The following ANXA6 variants were observed in gnomAD, a reference collection of about 807,000 sequenced individuals.
ANXA6 encodes annexin A6.
In ANXA6, 71 loss-of-function variants were observed where a neutral mutation model predicts 95.4. The ratio of observed to expected loss-of-function variants is 0.74; its 90% CI spans 0.61 to 0.91. The LOEUF is 0.91. ANXA6 is among the 40% of genes least tolerant of loss of function. The pLI, the probability that ANXA6 is intolerant of heterozygous loss-of-function variation, is 0.00. For missense variants in ANXA6, 830 were observed against 876.4 expected (o/e 0.95, Z 0.67); for synonymous variants, 289 against 315.9 (o/e 0.91, Z 0.90).
Position 151,147,926 on chromosome 5 carries a change from A to G in ANXA6, c.-25T>C, listed in dbSNP as rs371760082. ...TGGTCTCCGGTTCGCAGCAGAATCC[A>G]CTGTAGAGAAGAAAGACAGCATGTG... On this transcript the variant is annotated splice_region_variant and 5_prime_UTR_variant, in exon 2 of 26. Transcript: ENST00000354546. 5.0e-6 allele frequency: 8 copies of G among 1,602,634 alleles called. No homozygotes were observed. The African/African-American group carries it at 1.1e-4, about 21-fold the overall frequency.
intron 20 of ANXA6, among the ~76,000 whole-genome samples, chr5:151,112,071 T>C (rs1208703553): frequency 6.6e-6 from 1 of 152,042 alleles, no homozygotes; most frequent in East Asian, 1.9e-4. Context: ...GCTGGGATTA[T>C]AGGCACTGCA....
rs754868111 is a variant in ANXA6 at position 151,117,797 on chromosome 5, T to C, written c.1479A>G (p.Thr493=). 7 of 1,613,660 alleles carry C rather than the reference T, an allele frequency of 4.3e-6. No homozygotes were observed. In the Admixed American group the frequency reaches 5.0e-5, roughly 12 times the overall value. ...TGAGGATCCTCCTGAAGTGGCCAGA[T>C]GTGTCTGAGCTCAGAGCATCCTCCA... The part of the protein sequence containing the change: ...KSLEDALSSD[T]SGHFRRILIS... Residue 493 remains threonine, a synonymous_variant, in exon 19 of 26, where the codon ACA becomes ACG. Coordinates refer to ENST00000354546, the MANE Select transcript of ANXA6 (RefSeq NM_001155.5).
chr5:151,100,853 A>G lies in ANXA6; in HGVS notation c.*595T>C. 2.2e-6 allele frequency: 1 copy of G among 455,084 alleles called. No homozygotes were observed. The allele number at this position is 455,084 out of a possible 1,614,324, so 28.2% of individuals were successfully genotyped here. A position where few individuals can be genotyped will look rare whatever the true frequency, so the allele number is the denominator to read the frequency against. On this transcript the variant is annotated 3_prime_UTR_variant, in exon 26 of 26. Transcript: ENST00000354546. ...CAACTGTCTCATTGTAGATAAGAAA[A>G]TAGAGACTCAGGGAGGGAAAGGGGC...
rs1257350636 is a variant in ANXA6, at chr5:151,101,076, C to T, written c.*372G>A. 4.1e-6 allele frequency: 2 copies of T among 484,008 alleles called. No homozygotes were observed. The highest frequency in any genetic ancestry group is 3.9e-5 in the African/African-American group (2 of 51,382). 30.0% of individuals were successfully genotyped at this position (484,008 alleles called of 1,614,324 possible). A position where few individuals can be genotyped will look rare whatever the true frequency, so the allele number is the denominator to read the frequency against. On this transcript the variant is annotated 3_prime_UTR_variant, in exon 26 of 26. Transcript: ENST00000354546. ...CATTCAACTGGCCCCTGCCACCAAC[C>T]CCCTCATTCAAAGTACAGACACTAC...
chr5:151,119,423 T>C (rs1348969271), intron 17 of ANXA6, 33 bp from the exon 18 acceptor site: 17 of 1,596,328 alleles, frequency 1.1e-5, no homozygotes, highest in South Asian at 2.2e-5. Flanking sequence ...ATCTCAGCCA[T>C]AGTTCTGACC....
In ANXA6 at chr5:151,128,104, C is replaced by T. The variant is rs2113925585; in HGVS notation, c.977+77G>A. The T allele has an allele frequency of 2.0e-5, 26 of 1,272,542 alleles. 1 individual carries two copies. The highest frequency in any genetic ancestry group is 2.9e-5 in the Non-Finnish European group (26 of 890,800). 78.8% of individuals were successfully genotyped at this position (1,272,542 alleles called of 1,614,324 possible). On this transcript the variant is annotated intron_variant, in intron 13 of 25. Coordinates refer to ENST00000354546, the MANE Select transcript of ANXA6 (RefSeq NM_001155.5). ...TCCCCAGCTCATCCAATCCACCCATCAGGATGCGAGCCAGGAGAGTCCCCG... is the reference window on the plus strand; with the variant it reads ...TCCCCAGCTCATCCAATCCACCCATTAGGATGCGAGCCAGGAGAGTCCCCG...
In ANXA6 at chr5:151,109,844, T is replaced by G. The variant is rs767215473; in HGVS notation, c.1593A>C (p.Glu531Asp). ...EDAQVAAEIL[E>D]IADTPSGDKT... ...TGTCTCCACTAGGTGTGTCTGCTAT[T>G]TCCTGCAGAGCCCCAGTTGGAGCAA... is the stretch of plus-strand genomic sequence containing the variant. The change falls in exon 22 of 26, where the codon GAA (glutamate) becomes GAC (aspartate). Residue 531 changes from glutamate to aspartate, a missense_variant and splice_region_variant. Physicochemically the swap from Glu to Asp is conservative, Grantham distance 45. Coordinates refer to ENST00000354546, the MANE Select transcript of ANXA6 (RefSeq NM_001155.5). 1.6e-5 allele frequency: 25 copies of G among 1,599,172 alleles called. No individual in the cohort carries two copies. The East Asian group carries it at 5.2e-4, about 33-fold the overall frequency.
intron 2 of ANXA6, among the ~76,000 whole-genome samples, chr5:151,146,065 C>A (rs1765967949): frequency 6.6e-6 from 1 of 152,124 alleles, no homozygotes; most frequent in Non-Finnish European, 1.5e-5. Context: ...TAAGGCCCTG[C>A]CACCCTGGGA....
At chr5:151,101,536 A>G (rs1764551253) in intron 25 of ANXA6, 29 bp from the exon 26 acceptor site, 17 of 1,549,552 alleles carry the variant, frequency 1.1e-5, no homozygotes, top group Non-Finnish European at 1.5e-5. Context: ...AGAGTGAGTG[A>G]AAACAGTCCT....
chr5:151,132,005 C>G (rs546352032), intron 10 of ANXA6, among the ~76,000 whole-genome samples: 1 of 152,286 alleles, frequency 6.6e-6, no homozygotes, highest in South Asian at 2.1e-4. Flanking sequence ...CAGTTCCTCA[C>G]ATCCTCACGT....
chr5:151,111,027 T>C (rs1279035603), intron 20 of ANXA6, among the ~76,000 whole-genome samples: 1 of 152,168 alleles, frequency 6.6e-6, no homozygotes, highest in Non-Finnish European at 1.5e-5. Flanking sequence ...ACAGAACCAC[T>C]GAGATGTAAA....
In ANXA6 at chr5:151,121,836, G is replaced by A. The variant is rs148756938; in HGVS notation, c.1347+311C>T. ...GGAACTCTTTCTGCTGGAGCCGCTAGCTGGCGGGATGGACATATGCCACCA... is the reference window on the plus strand; with the variant it reads ...GGAACTCTTTCTGCTGGAGCCGCTAACTGGCGGGATGGACATATGCCACCA... On this transcript the variant is annotated intron_variant, in intron 17 of 25. Coordinates refer to ENST00000354546, the MANE Select transcript of ANXA6 (RefSeq NM_001155.5). 2.8e-3 allele frequency among the ~76,000 whole-genome samples: 423 copies of A among 152,340 alleles called. 1 individual carries two copies. Among genetic ancestry groups the A allele is most frequent in the South Asian group, 5.2e-3 (25 of 4,832 alleles).
intron 23 of ANXA6, among the ~76,000 whole-genome samples, chr5:151,107,911 G>A (rs929408423): frequency 2.0e-5 from 3 of 152,088 alleles, no homozygotes; most frequent in South Asian, 2.1e-4. Flanking sequence ...TGTGTGCTGC[G>A]TATATGTGGT....
intron 23 of ANXA6, among the ~76,000 whole-genome samples, chr5:151,105,991 C>T (rs573157541): frequency 1.5e-4 from 23 of 152,298 alleles, no homozygotes; most frequent in Admixed American, 5.9e-4. Context: ...GATGGTTGGC[C>T]ACCCTACTCT....
chr5:151,127,882 G>A (rs916929281), intron 13 of ANXA6, among the ~76,000 whole-genome samples: 4 of 152,030 alleles, frequency 2.6e-5, no homozygotes, highest in Non-Finnish European at 5.9e-5. Context: ...GAAATAGCAG[G>A]GATTGGATGC....
intron 7 of ANXA6, among the ~76,000 whole-genome samples, chr5:151,135,739 A>G (rs1399280998): frequency 6.6e-6 from 1 of 152,240 alleles, no homozygotes. Context: ...CTGGTTTTTG[A>G]GCAAAATCTC....
At chr5:151,101,718 C>T (rs767304750) in intron 25 of ANXA6, among the ~76,000 whole-genome samples, 2 of 152,190 alleles carry the variant, frequency 1.3e-5, no homozygotes, top group African/African-American at 2.4e-5. Context: ...TGCAAGCTCC[C>T]GGCCTGGCTT....
At chr5:151,114,453 A>G (rs897765504) in intron 20 of ANXA6, among the ~76,000 whole-genome samples, 6 of 151,776 alleles carry the variant, frequency 4.0e-5, no homozygotes, top group Non-Finnish European at 7.4e-5. Flanking sequence ...CTCTACTAAA[A>G]ATACAAAAAA....
Position 151,126,601 on chromosome 5 carries a change from A to G in ANXA6, c.978-121T>C, listed in dbSNP as rs1287244430. 8 of 755,272 alleles carry G rather than the reference A, an allele frequency of 1.1e-5. No individual in the cohort carries two copies. The East Asian group carries it at 2.2e-4, about 21-fold the overall frequency. The allele number at this position is 755,272 out of a possible 1,614,324, so 46.8% of individuals were successfully genotyped here. On this transcript the variant is annotated intron_variant, in intron 13 of 25. Coordinates refer to ENST00000354546, the MANE Select transcript of ANXA6 (RefSeq NM_001155.5). ...ACACATACACACACGTGCACACACC[A>G]CACACACATTAAGCTTTCTTTCTCT...
Sources: allele counts gnomAD v4.1 joint callset (sites outside exome capture counted in the v4.1 genomes callset), GRCh38; gene constraint gnomAD v4.1.1; transcripts MANE v1.5; gene names NCBI Gene and HGNC (gene_info 2026-07-23, HGNC 2026-07-21).